CWC27: variants seen among roughly 807,000 people sequenced by gnomAD.
The protein encoded by CWC27 is CWC27 spliceosome associated cyclophilin.
Under a neutral mutation model 63.6 loss-of-function variants are expected in CWC27, and 47 were observed. That is an observed-to-expected ratio of 0.74 (90% CI 0.58 to 0.94). CWC27 has a LOEUF of 0.94. Ranked by LOEUF, CWC27 falls within the 40% of genes least tolerant of loss-of-function variation. The pLI, the probability that CWC27 is intolerant of heterozygous loss-of-function variation, is 0.00. For synonymous variants in CWC27, 175 were observed against 179.8 expected (o/e 0.97, Z 0.22); for missense variants, 495 against 554.3 (o/e 0.89, Z 1.07).
intron 13 of CWC27, among the ~76,000 whole-genome samples, chr5:64,989,851 G>C (rs1035549472): frequency 1.4e-4 from 21 of 152,140 alleles, no homozygotes; most frequent in African/African-American, 4.3e-4. Flanking sequence ...GAGAGATTTA[G>C]ATTTCTGTGG....
chr5:64,967,466 C>A (rs1749039364), intron 11 of CWC27, among the ~76,000 whole-genome samples: 1 of 151,846 alleles, frequency 6.6e-6, no homozygotes, highest in Non-Finnish European at 1.5e-5. Flanking sequence ...ACAAAAATCA[C>A]CAAAATAGTT....
intron 1 of CWC27, among the ~76,000 whole-genome samples, chr5:64,771,035 C>T (rs181410104): frequency 6.6e-6 from 1 of 152,160 alleles, no homozygotes; most frequent in Non-Finnish European, 1.5e-5. Context: ...TATACATTGA[C>T]TGAATAATCA....
intron 10 of CWC27, among the ~76,000 whole-genome samples, chr5:64,869,275 CTAAGT>C (rs1187841825): frequency 3.9e-5 from 6 of 152,124 alleles, no homozygotes; most frequent in African/African-American, 1.4e-4. Flanking sequence ...TGAATCAAAC[CTAAGT>C]TAAGAACCCA....
At chr5:64,785,093 G>A (rs1743834828) in intron 4 of CWC27, among the ~76,000 whole-genome samples, 2 of 152,000 alleles carry the variant, frequency 1.3e-5, no homozygotes, top group Admixed American at 1.3e-4. Flanking sequence ...TTGTTTGTGA[G>A]GATTAAATGA....
At chr5:64,814,070 T>C (rs2112233487) in intron 10 of CWC27, among the ~76,000 whole-genome samples, 1 of 144,934 alleles carries the variant, frequency 6.9e-6, no homozygotes, top group African/African-American at 2.6e-5. Context: ...TTATGAGATT[T>C]TTTTTGCGAT....
chr5:64,986,463 A>G (rs1486158670), intron 13 of CWC27, among the ~76,000 whole-genome samples: 1 of 152,210 alleles, frequency 6.6e-6, no homozygotes, highest in Non-Finnish European at 1.5e-5. Context: ...ATTTGAATCT[A>G]TGCTCTTGAA....
chr5:64,961,080 A>T (rs1748900292), intron 11 of CWC27, among the ~76,000 whole-genome samples: 2 of 152,226 alleles, frequency 1.3e-5, no homozygotes, highest in Admixed American at 6.5e-5. Flanking sequence ...GTAGCCAATG[A>T]AGAGACTCAA....
At chr5:64,910,674 C>A (rs1400161726) in intron 11 of CWC27, among the ~76,000 whole-genome samples, 1 of 152,232 alleles carries the variant, frequency 6.6e-6, no homozygotes, top group Non-Finnish European at 1.5e-5. Flanking sequence ...ACTCCTACCC[C>A]TGCCAGGCTG....
intron 10 of CWC27, among the ~76,000 whole-genome samples, chr5:64,805,118 T>A (rs1465731478): frequency 1.3e-5 from 2 of 151,982 alleles, no homozygotes; most frequent in African/African-American, 4.8e-5. Context: ...AATAACATTC[T>A]TTTTCCCTAT....
At chr5:64,885,698 G>GTGTGTGTGTGTGTGTGT in intron 11 of CWC27, 152 bp downstream of exon 11, 9 of 261,528 alleles carry the variant, frequency 3.4e-5, no homozygotes, top group East Asian at 9.9e-5. Flanking sequence ...CTTGAGTTAG[G>GTGTGTGTGTGTGTGTGT]GTGTGTGTGT....
At chr5:64,922,223 G>A (rs1011598799) in intron 11 of CWC27, among the ~76,000 whole-genome samples, 1 of 152,132 alleles carries the variant, frequency 6.6e-6, no homozygotes, top group African/African-American at 2.4e-5. Context: ...CCTCAAATAT[G>A]TTTTCCATAT....
At chr5:64,934,944 G>T (rs1303995502) in intron 11 of CWC27, among the ~76,000 whole-genome samples, 1 of 152,086 alleles carries the variant, frequency 6.6e-6, no homozygotes, top group African/African-American at 2.4e-5. Flanking sequence ...ACTTTTTGAT[G>T]AGGTCATTTG....
At chr5:64,772,729 A>C (rs1224120481) in intron 1 of CWC27, among the ~76,000 whole-genome samples, 5 of 148,624 alleles carry the variant, frequency 3.4e-5, no homozygotes. Flanking sequence ...TGAGATCAGG[A>C]GCTCGAGACC....
At chr5:64,774,310 T>C (rs1425768894) in intron 1 of CWC27, among the ~76,000 whole-genome samples, 1 of 152,196 alleles carries the variant, frequency 6.6e-6, no homozygotes, top group African/African-American at 2.4e-5. Flanking sequence ...CATGCCTGGC[T>C]AATTAAAACA....
chr5:64,897,354 G>A (rs1026845354), intron 11 of CWC27, among the ~76,000 whole-genome samples: 3 of 152,200 alleles, frequency 2.0e-5, no homozygotes, highest in Non-Finnish European at 4.4e-5. Flanking sequence ...GTCAATGATA[G>A]AATGGATTAA....
At chr5:65,017,883 T>G (rs1750077259) in intron 13 of CWC27, among the ~76,000 whole-genome samples, 2 of 152,236 alleles carry the variant, frequency 1.3e-5, no homozygotes, top group Non-Finnish European at 2.9e-5. Context: ...TAGAACTCTT[T>G]TAACCTCCCA....
At chr5:64,816,303 G>T (rs1745027873) in intron 10 of CWC27, among the ~76,000 whole-genome samples, 1 of 152,130 alleles carries the variant, frequency 6.6e-6, no homozygotes, top group Non-Finnish European at 1.5e-5. Flanking sequence ...GCAAGGATGG[G>T]TAGCTCCTCC....
At chr5:64,798,408 G>A (rs1244719317) in intron 7 of CWC27, among the ~76,000 whole-genome samples, 2 of 152,046 alleles carry the variant, frequency 1.3e-5, no homozygotes, top group Admixed American at 1.3e-4. Flanking sequence ...CTTCTGTTTT[G>A]TGAATATTTT....
chr5:64,895,739 C>T (rs933470606), intron 11 of CWC27, among the ~76,000 whole-genome samples: 1 of 151,788 alleles, frequency 6.6e-6, no homozygotes, highest in Non-Finnish European at 1.5e-5. Flanking sequence ...ATAAAGAACA[C>T]GTGATTTAAA....
Sources: gnomAD v4.1 joint callset for allele counts (sites outside exome capture counted in the v4.1 genomes callset) on GRCh38, gnomAD v4.1.1 for gene constraint, MANE v1.5 for transcripts, NCBI Gene and HGNC (gene_info 2026-07-23, HGNC 2026-07-21) for gene names.